Variants in NPHP4 observed in about 807,000 individuals in gnomAD.
The protein encoded by NPHP4 is nephrocystin 4, also known as nephrocystin-4.
Under a neutral mutation model 155.8 loss-of-function variants are expected in NPHP4, and 151 were observed. That is an observed-to-expected ratio of 0.97 (90% CI 0.85 to 1.11). The LOEUF is 1.11. NPHP4 is among the 50% of genes least tolerant of loss of function. The pLI is 0.00. For missense variants in NPHP4, 1,956 were observed against 1,925.7 expected (o/e 1.02, Z -0.29); for synonymous variants, 845 against 816.8 (o/e 1.03, Z -0.59).
intron 10 of NPHP4, among the ~76,000 whole-genome samples, chr1:5,930,363 C>G (rs2101704500): frequency 6.6e-6 from 1 of 152,058 alleles, no homozygotes; most frequent in Admixed American, 6.5e-5. Context: ...TCTTCTTTTT[C>G]TAGTTTCTGA....
At chr1:5,871,166 G>C (rs1369774142) in intron 23 of NPHP4, among the ~76,000 whole-genome samples, 1 of 152,248 alleles carries the variant, frequency 6.6e-6, no homozygotes, top group Non-Finnish European at 1.5e-5. Context: ...TAGTGACCGG[G>C]AAGTCTGGGA....
chr1:5,963,689 C>CTTT lies in NPHP4; in HGVS notation c.518-1743_518-1741dup, dbSNP rs57131022. Reference sequence around the variant, plus strand: ...AACGGGGTTTCCAACCTTTTCTTTTCTTTTTTTTTTTTTTTTTTGAGACAG... The same window carrying CTTT: ...AACGGGGTTTCCAACCTTTTCTTTTCTTTTTTTTTTTTTTTTTTTTTGAGACAG... On this transcript the variant is annotated intron_variant, in intron 5 of 29. Coordinates refer to ENST00000378156, the MANE Select transcript of NPHP4 (RefSeq NM_015102.5). Among the ~76,000 whole-genome samples the CTTT allele has an allele frequency of 5.6e-3, 686 of 122,898 alleles. 9 individuals carry two copies. Among genetic ancestry groups the CTTT allele is most frequent in the African/African-American group, 0.018 (610 of 33,384 alleles). The allele number at this position is 122,898 out of a possible 152,430, so 80.6% of individuals were successfully genotyped here.
Position 5,905,317 on chromosome 1 carries a change from C to T in NPHP4, c.1930G>A (p.Val644Met), listed in dbSNP as rs746892097. ...CTGCTAAAGGCAAGAAACTGTAGCA[C>T]CATCTCGTTGCTTTGTAGACAATCT... is the stretch of plus-strand genomic sequence containing the variant. ...ESDCLQSNEMVLQFLAFSRVA... is the reference protein window; with the variant it reads ...ESDCLQSNEMMLQFLAFSRVA... Residue 644 changes from valine to methionine, a missense_variant, in exon 15 of 30, where the codon GTG becomes ATG. Physicochemically the swap from Val to Met is conservative, Grantham distance 21 (BLOSUM62 1). Coordinates refer to ENST00000378156, the MANE Select transcript of NPHP4 (RefSeq NM_015102.5). This position sits in a 1 kb window ranked among gnomAD's most constrained non-coding sequence, Gnocchi z 4.0. 6.2e-7 allele frequency: 1 copy of T among 1,613,618 alleles called. No individual in the cohort carries two copies. Among genetic ancestry groups the T allele is most frequent in the East Asian group, 2.2e-5 (1 of 44,894 alleles).
At chr1:5,937,614 G>A (rs1195264625) in intron 9 of NPHP4, among the ~76,000 whole-genome samples, 1 of 152,114 alleles carries the variant, frequency 6.6e-6, no homozygotes, top group Non-Finnish European at 1.5e-5. Flanking sequence ...CCGTTCTCTG[G>A]GTAATGACAG....
intron 18 of NPHP4, chr1:5,886,942 T>C: frequency 4.0e-6 from 1 of 250,868 alleles, no homozygotes. Context: ...CCCTTGTCTG[T>C]CCTCCATCAT....
At chr1:5,957,542 T>C (rs527479631) in intron 6 of NPHP4, among the ~76,000 whole-genome samples, 45 of 152,134 alleles carry the variant, frequency 3.0e-4, no homozygotes, top group Admixed American at 7.2e-4. Flanking sequence ...TTCAGCAGAA[T>C]GCACCTCAAA....
chr1:5,963,689 C>CTTTTTT (rs57131022), intron 5 of NPHP4, among the ~76,000 whole-genome samples: 5 of 122,942 alleles, frequency 4.1e-5, no homozygotes, highest in African/African-American at 6.0e-5. Context: ...CTTTTCTTTT[C>CTTTTTT]TTTTTTTTTT....
In NPHP4 at chr1:5,961,996, G is replaced by A. The variant is rs754591011; in HGVS notation, c.518-47C>T. 4 of 1,495,292 alleles carry A rather than the reference G, an allele frequency of 2.7e-6. No individual in the cohort carries two copies. In the Admixed American group the frequency reaches 5.4e-5, roughly 20 times the overall value. The allele number at this position is 1,495,292 out of a possible 1,614,324, so 92.6% of individuals were successfully genotyped here. A position where few individuals can be genotyped will look rare whatever the true frequency, so the allele number is the denominator to read the frequency against. The stretch of plus-strand genomic sequence containing the variant: ...GATCAACTGATAGCTGAAAGCAAAG[G>A]TGCTTCCAGTCAAACCAGCCAATTA... On this transcript the variant is annotated intron_variant, in intron 5 of 29. Transcript: ENST00000378156.
Position 5,927,783 on chromosome 1 carries a change from T to C in NPHP4, c.1307A>G (p.Lys436Arg), listed in dbSNP as rs1646084725. 1 of 1,609,546 alleles carries C rather than the reference T, an allele frequency of 6.2e-7. No individual in the cohort carries two copies. The highest frequency in any genetic ancestry group is 1.3e-5 in the African/African-American group (1 of 74,840). ...CCGGAGTGTACCCGACTCCACCTGC[T>C]TCACCTGCAATGGACCAGAAGAGCA... ...PSASMSSEEVKQVESGTLRFQ... is the reference protein window; with the variant it reads ...PSASMSSEEVRQVESGTLRFQ... The change falls in exon 11 of 30, where the codon AAG becomes AGG. Residue 436 changes from lysine (K) to arginine (R), a missense_variant. Lys to Arg is a conservative substitution (Grantham distance 26, BLOSUM62 2). Coordinates refer to ENST00000378156, the MANE Select transcript of NPHP4 (RefSeq NM_015102.5).
intron 10 of NPHP4, among the ~76,000 whole-genome samples, chr1:5,929,678 C>A (rs115274228): frequency 6.6e-6 from 1 of 152,042 alleles, no homozygotes; most frequent in Non-Finnish European, 1.5e-5. Flanking sequence ...ATTCTTTTTG[C>A]GTATTGCTGG....
chr1:5,866,480 C>T (rs751585317), intron 25 of NPHP4, 22 bp from the exon 26 acceptor site: 2 of 1,453,442 alleles, frequency 1.4e-6, no homozygotes, highest in East Asian at 4.7e-5. Context: ...ATGTGCAGCA[C>T]ATCAGGGCAC....
Position 5,863,184 on chromosome 1 carries a change from C to CGGGGAG in NPHP4, c.*75_*80dup. The CGGGGAG allele has an allele frequency of 7.0e-7, 1 of 1,432,538 alleles. No individual in the cohort carries two copies. Among genetic ancestry groups the CGGGGAG allele is most frequent in the African/African-American group, 1.4e-5 (1 of 71,570 alleles). 88.7% of individuals were successfully genotyped at this position (1,432,538 alleles called of 1,614,324 possible). A position where few individuals can be genotyped will look rare whatever the true frequency, so the allele number is the denominator to read the frequency against. On this transcript the variant is annotated 3_prime_UTR_variant, in exon 30 of 30. Transcript: ENST00000378156. ...ACTGAAGTGAAAGGCTGCAGAGAGG[C>CGGGGAG]GGGGAGGACAGCCTGCAGGGCAGGA... is the stretch of plus-strand genomic sequence containing the variant.
chr1:5,970,646 A>G (rs537847730), intron 3 of NPHP4, among the ~76,000 whole-genome samples: 3 of 152,256 alleles, frequency 2.0e-5, no homozygotes, highest in African/African-American at 7.2e-5. Context: ...GCTGGGGGGC[A>G]AAGCACAGGT....
chr1:5,878,189 G>A (rs1272148755), intron 19 of NPHP4, among the ~76,000 whole-genome samples: 1 of 152,214 alleles, frequency 6.6e-6, no homozygotes, highest in African/African-American at 2.4e-5. Context: ...CTCCCAGCCT[G>A]GTTCCACTTG....
At chr1:5,961,184 G>A (rs1296053249) in intron 6 of NPHP4, among the ~76,000 whole-genome samples, 1 of 152,146 alleles carries the variant, frequency 6.6e-6, no homozygotes, top group African/African-American at 2.4e-5. Flanking sequence ...CCAGTCCTAT[G>A]AGGTCCCTAG....
intron 11 of NPHP4, among the ~76,000 whole-genome samples, chr1:5,921,142 C>T (rs1414164067): frequency 6.6e-6 from 1 of 152,222 alleles, no homozygotes; most frequent in Non-Finnish European, 1.5e-5. Flanking sequence ...TTGTTCATTT[C>T]CTTTCAGAAC....
intron 19 of NPHP4, among the ~76,000 whole-genome samples, chr1:5,879,903 G>A (rs1395617619): frequency 6.7e-6 from 1 of 149,048 alleles, no homozygotes; most frequent in Non-Finnish European, 1.5e-5. Flanking sequence ...GTGCACACAT[G>A]CAGCCTTCCA....
chr1:5,948,768 G>A (rs1000270460), intron 7 of NPHP4, among the ~76,000 whole-genome samples: 1 of 152,166 alleles, frequency 6.6e-6, no homozygotes, highest in Non-Finnish European at 1.5e-5. Context: ...CTGAGACTGG[G>A]TGTACAAAGG....
Position 5,905,772 on chromosome 1 carries a change from C to A in NPHP4, c.1623G>T (p.Pro541=), listed in dbSNP as rs375796182. The change falls in exon 14 of 30, where the codon CCG becomes CCT. Residue 541 remains proline (P), a synonymous_variant. Coordinates refer to ENST00000378156, the MANE Select transcript of NPHP4 (RefSeq NM_015102.5). The surrounding 1 kb of genome is among the most constrained non-coding windows in gnomAD (Gnocchi z 4.0). ...CCAGGTGGGAGATACCGGCCTCCAA[C>A]GGGAACTCCTGCTGAACAAAACGAG... ...QASPAQAQEF[P]LEAGISHLEA... The A allele has an allele frequency of 5.4e-5, 87 of 1,607,974 alleles. No homozygotes were observed. In the African/African-American group the frequency reaches 1.0e-3, roughly 19 times the overall value.
Sources: gnomAD v4.1 joint callset for allele counts (sites outside exome capture counted in the v4.1 genomes callset) on GRCh38, gnomAD v4.1.1 for gene constraint, Gnocchi (gnomAD v3.1) non-coding constraint, MANE v1.5 for transcripts, NCBI Gene and HGNC (gene_info 2026-07-23, HGNC 2026-07-21) for gene names.